Variants in R3HDM2 observed in about 807,000 individuals in gnomAD.
The protein encoded by R3HDM2 is R3H domain-containing protein 2.
In R3HDM2, 38 loss-of-function variants were observed where a neutral mutation model predicts 124.5. That is an observed-to-expected ratio of 0.31 (90% CI 0.24 to 0.40). R3HDM2 has a LOEUF of 0.40. Among genes scored for constraint, R3HDM2 ranks in the 10% least tolerant of loss-of-function variants. R3HDM2 has a pLI of 1.00. For synonymous variants in R3HDM2, 391 were observed against 448.0 expected, an observed-to-expected ratio of 0.87 and a Z score of 1.61; for missense variants, 869 against 1,236.9, an observed-to-expected ratio of 0.70 and a Z score of 4.46.
intron 14 of R3HDM2, among the ~76,000 whole-genome samples, chr12:57,276,770 C>G (rs2044861816): frequency 6.6e-6 from 1 of 151,966 alleles, no homozygotes; most frequent in Non-Finnish European, 1.5e-5. Context: ...GCCTGTAATC[C>G]CAGCTACTCA....
rs1002533012 is a variant in R3HDM2, at chr12:57,296,031, G to A, written c.701+380C>T. Among the ~76,000 whole-genome samples, 4 of 151,944 alleles carry A rather than the reference G, an allele frequency of 2.6e-5. No homozygotes were observed. Among genetic ancestry groups the A allele is most frequent in the Non-Finnish European group, 5.9e-5 (4 of 67,972 alleles). On this transcript the variant is annotated intron_variant, in intron 9 of 23. Coordinates refer to ENST00000402412, the MANE Select transcript of R3HDM2 (RefSeq NM_001394031.1). The surrounding 1 kb of genome is among the most constrained non-coding windows in gnomAD (Gnocchi z 4.5). ...ATTACAGGCGCCTGCCACCGCGCCC[G>A]GCTAATTTTTGTATTTTTAGTAGAG...
chr12:57,386,690 A>G (rs1082999), intron 2 of R3HDM2, among the ~76,000 whole-genome samples: 148,214 of 152,314 alleles, frequency 0.97, 72,249 homozygotes, highest in Middle Eastern at 1. Flanking sequence ...CTCCACCTGC[A>G]GCCCCAGTGC....
intron 2 of R3HDM2, among the ~76,000 whole-genome samples, chr12:57,318,736 G>A (rs1371860348): frequency 6.6e-6 from 1 of 152,014 alleles, no homozygotes; most frequent in East Asian, 1.9e-4. Flanking sequence ...TAAAACTTTT[G>A]AGTGCTTACA....
At chr12:57,400,265 G>T (rs932614199) in intron 1 of R3HDM2, among the ~76,000 whole-genome samples, 31 of 152,122 alleles carry the variant, frequency 2.0e-4, no homozygotes, top group Non-Finnish European at 4.1e-4. Context: ...AAAAAATGAT[G>T]AGTTCATGTC....
intron 14 of R3HDM2, among the ~76,000 whole-genome samples, chr12:57,270,942 C>G (rs567606044): frequency 6.6e-6 from 1 of 152,298 alleles, no homozygotes; most frequent in South Asian, 2.1e-4. Flanking sequence ...AAAAACAGGA[C>G]AAACTAGCGG....
rs776090995 is a variant in R3HDM2 at position 57,280,445 on chromosome 12, C to G, written c.1257G>C (p.Gln419His). Residue 419 changes from glutamine to histidine, a missense_variant, in exon 14 of 24, where the codon CAG becomes CAC. Transcript: ENST00000402412. The stretch of plus-strand genomic sequence containing the variant: ...GTTGCTGCTGCTGCTGCTGCTGTTG[C>G]TGCTGGGCAGTACAAGGGAGAAGCC... ...VRGLLPCTAQQQQQQQQQQLP... is the reference protein window; with the variant it reads ...VRGLLPCTAQHQQQQQQQQLP... The G allele has an allele frequency of 5.6e-6, 9 of 1,614,102 alleles. No individual in the cohort carries two copies. In the South Asian group the frequency reaches 9.9e-5, roughly 18 times the overall value.
intron 2 of R3HDM2, among the ~76,000 whole-genome samples, chr12:57,380,813 C>T (rs554470469): frequency 2.6e-5 from 4 of 151,764 alleles, no homozygotes; most frequent in African/African-American, 4.9e-5. Context: ...ATATCAAGAC[C>T]GAAACTACAA....
chr12:57,269,618 C>T, intron 15 of R3HDM2, 134 bp downstream of exon 15: 1 of 1,467,138 alleles, frequency 6.8e-7, no homozygotes, highest in South Asian at 1.4e-5. Context: ...AGAAGACTTT[C>T]TGGCTAGAAC....
rs539489013 is a variant in R3HDM2 at position 57,279,550 on chromosome 12, C to G, written c.1344+808G>C. Among the ~76,000 whole-genome samples, 9 of 150,984 alleles carry G rather than the reference C, an allele frequency of 6.0e-5. No homozygotes were observed. The East Asian group carries it at 1.6e-3, about 27-fold the overall frequency. ...AGGCATGGTGGCTCATGCCTGTAATCTCAGCACTTTAGGAGGCCAAGGAGG... is the reference window on the plus strand; with the variant it reads ...AGGCATGGTGGCTCATGCCTGTAATGTCAGCACTTTAGGAGGCCAAGGAGG... On this transcript the variant is annotated intron_variant, in intron 14 of 23. Transcript: ENST00000402412.
intron 2 of R3HDM2, among the ~76,000 whole-genome samples, chr12:57,394,218 A>G (rs1376082463): frequency 6.6e-6 from 1 of 151,956 alleles, no homozygotes; most frequent in African/African-American, 2.4e-5. Context: ...AATCGCTTGA[A>G]TCTGGGAGGC....
chr12:57,390,920 A>G (rs2066576446), intron 2 of R3HDM2, among the ~76,000 whole-genome samples: 1 of 151,802 alleles, frequency 6.6e-6, no homozygotes, highest in African/African-American at 2.4e-5. Flanking sequence ...CCTGAGACAG[A>G]AGAATCACTT....
intron 10 of R3HDM2, among the ~76,000 whole-genome samples, chr12:57,293,368 C>T (rs1464631700): frequency 2.0e-5 from 3 of 151,256 alleles, no homozygotes; most frequent in African/African-American, 4.9e-5. Flanking sequence ...GAAAGAGGGG[C>T]AGAGAAAGGA....
chr12:57,399,783 C>T (rs1213759265), intron 1 of R3HDM2, among the ~76,000 whole-genome samples: 1 of 152,168 alleles, frequency 6.6e-6, no homozygotes, highest in Non-Finnish European at 1.5e-5. Context: ...TGACCTTCCC[C>T]CCTGAAAGTT....
intron 3 of R3HDM2, among the ~76,000 whole-genome samples, chr12:57,307,856 GTGCTTCTTAAGGTAC>G (rs2053043894): frequency 6.6e-6 from 1 of 151,870 alleles, no homozygotes. Context: ...AGAGAGTAGA[GTGCTTCTTAAGGTAC>G]TGCTCCATAG....
In R3HDM2 at chr12:57,307,720, G is replaced by A. The variant is rs142560320; in HGVS notation, c.165+2544C>T. 4.6e-3 allele frequency among the ~76,000 whole-genome samples: 698 copies of A among 150,818 alleles called. 9 individuals carry two copies. Among genetic ancestry groups the A allele is most frequent in the African/African-American group, 0.016 (656 of 41,086 alleles). On this transcript the variant is annotated intron_variant, in intron 3 of 23. Coordinates refer to ENST00000402412, the MANE Select transcript of R3HDM2 (RefSeq NM_001394031.1). ...TGACTCACTGCAACCTCTGCCTCCCGGGTTCAAGCATTCTCCTGCTTTAGC... is the reference window on the plus strand; with the variant it reads ...TGACTCACTGCAACCTCTGCCTCCCAGGTTCAAGCATTCTCCTGCTTTAGC...
At chr12:57,348,257 C>T (rs115149241) in intron 2 of R3HDM2, among the ~76,000 whole-genome samples, 1,736 of 152,078 alleles carry the variant, frequency 0.011, 30 homozygotes, top group African/African-American at 0.039. Context: ...GACCTCGTCT[C>T]CCTTGTCTCT....
At chr12:57,360,720 T>G (rs10876976) in intron 2 of R3HDM2, among the ~76,000 whole-genome samples, 68,226 of 151,776 alleles carry the variant, frequency 0.45, 15,888 homozygotes, top group South Asian at 0.52. Context: ...AGAAAAAAAA[T>G]AAAAGAAAAT....
intron 2 of R3HDM2, among the ~76,000 whole-genome samples, chr12:57,330,611 C>T (rs1468496817): frequency 1.3e-5 from 2 of 151,138 alleles, no homozygotes; most frequent in Non-Finnish European, 2.9e-5. Flanking sequence ...TCCCAAAGTG[C>T]TGGGATTACA....
chr12:57,267,962 C>A (rs895987026), intron 18 of R3HDM2, among the ~76,000 whole-genome samples: 1 of 152,134 alleles, frequency 6.6e-6, no homozygotes, highest in Non-Finnish European at 1.5e-5. Context: ...CAGAGGTACA[C>A]GGAAAAATTT....
Sources: allele counts gnomAD v4.1 joint callset (sites outside exome capture counted in the v4.1 genomes callset), GRCh38; gene constraint gnomAD v4.1.1; non-coding constraint Gnocchi (gnomAD v3.1); transcripts MANE v1.5; gene names NCBI Gene and HGNC (gene_info 2026-07-23, HGNC 2026-07-21).